MDH2: variants seen among roughly 807,000 people sequenced by gnomAD.
MDH2 encodes the protein malate dehydrogenase, mitochondrial.
In MDH2, 25 loss-of-function variants were observed where a neutral mutation model predicts 33.6. That is an observed-to-expected ratio of 0.74 (90% CI 0.54 to 1.04). The LOEUF (loss-of-function observed/expected upper bound fraction) is 1.04. Among genes scored for constraint, MDH2 ranks in the 50% least tolerant of loss-of-function variants. The pLI, the probability that MDH2 is intolerant of heterozygous loss-of-function variation, is 0.00. For synonymous variants in MDH2, 193 were observed against 188.7 expected (o/e 1.02, Z -0.19); for missense variants, 432 against 445.0 (o/e 0.97, Z 0.26).
In MDH2 at chr7:76,048,766, C is replaced by A. The variant is rs938376756; in HGVS notation, c.66+540C>A. The stretch of plus-strand genomic sequence containing the variant: ...TGACCTGAAGACGGCTTCCTCTTAA[C>A]CTTTTTGGAGGATCTCTCCTGCTGT... On this transcript the variant is annotated intron_variant, in intron 1 of 8. Transcript: ENST00000315758. 13 of 1,228,438 alleles carry A rather than the reference C, an allele frequency of 1.1e-5. No individual in the cohort carries two copies. The African/African-American group carries it at 1.6e-4, about 15-fold the overall frequency. The allele number at this position is 1,228,438 out of a possible 1,614,324, so 76.1% of individuals were successfully genotyped here.
At chr7:76,061,373 C>T (rs782139571) in intron 5 of MDH2, among the ~76,000 whole-genome samples, 2 of 152,124 alleles carry the variant, frequency 1.3e-5, no homozygotes, top group Non-Finnish European at 2.9e-5. Context: ...AGCACGTACC[C>T]GAGGGCCTGG....
chr7:76,057,255 G>A (rs782102299), intron 2 of MDH2, among the ~76,000 whole-genome samples, 155 bp from the exon 3 acceptor site: 6 of 152,164 alleles, frequency 3.9e-5, no homozygotes, highest in South Asian at 2.1e-4. Flanking sequence ...TTGTCAGCTC[G>A]CAGGGCAGTA....
At position 76,066,543 on chromosome 7, in the gene MDH2, T is replaced by C; in HGVS notation, c.*133T>C. 2.6e-6 allele frequency: 3 copies of C among 1,162,896 alleles called. No individual in the cohort carries two copies. Among genetic ancestry groups the C allele is most frequent in the Non-Finnish European group, 3.4e-6 (3 of 877,404 alleles). The allele number at this position is 1,162,896 out of a possible 1,614,324, so 72.0% of individuals were successfully genotyped here. A position where few individuals can be genotyped will look rare whatever the true frequency, so the allele number is the denominator to read the frequency against. ...TATTGACATCATCATGCCTTCCAAA[T>C]TGTGGGTGGCTCTGTGGGCGCATCA... On this transcript the variant is annotated 3_prime_UTR_variant, in exon 9 of 9. Transcript: ENST00000315758.
At chr7:76,063,765 C>G (rs1003749992) in intron 6 of MDH2, among the ~76,000 whole-genome samples, 173 bp downstream of exon 6, 2 of 152,182 alleles carry the variant, frequency 1.3e-5, no homozygotes, top group Non-Finnish European at 2.9e-5. Context: ...AGTCCTGGAG[C>G]GAATGTGGGT....
intron 6 of MDH2, among the ~76,000 whole-genome samples, chr7:76,064,102 T>A (rs1798028119): frequency 1.3e-5 from 2 of 151,918 alleles, no homozygotes; most frequent in South Asian, 4.2e-4. Flanking sequence ...TTTTTTTTTA[T>A]CTTTTTATTA....
intron 1 of MDH2, among the ~76,000 whole-genome samples, chr7:76,049,630 G>A (rs1554585030): frequency 6.6e-6 from 1 of 152,094 alleles, no homozygotes; most frequent in Admixed American, 6.6e-5. Context: ...TTGAGTTTTG[G>A]TAGGACCTTC....
chr7:76,057,963 T>G lies in MDH2; in HGVS notation c.320-6T>G. On this transcript the variant is annotated splice_region_variant and splice_polypyrimidine_tract_variant and intron_variant, in intron 3 of 8. Transcript: ENST00000315758. The stretch of plus-strand genomic sequence containing the variant: ...CTGTTAACATCTCATATTGGATCAT[T>G]TCCAGGCATGACCCGGGACGACCTG... 6.2e-7 allele frequency: 1 copy of G among 1,613,448 alleles called. No homozygotes were observed. The highest frequency in any genetic ancestry group is 8.5e-7 in the Non-Finnish European group (1 of 1,179,502).
At chr7:76,064,251 G>A in intron 6 of MDH2, 88 bp from the exon 7 acceptor site, 2 of 866,800 alleles carry the variant, frequency 2.3e-6, no homozygotes, top group Non-Finnish European at 3.6e-6. Flanking sequence ...GGAGGGAGAG[G>A]AGAGGTCGGG....
At chr7:76,065,093 C>T (rs563092303) in intron 8 of MDH2, 140 bp downstream of exon 8, 16 of 978,394 alleles carry the variant, frequency 1.6e-5, no homozygotes, top group South Asian at 9.9e-5. Context: ...CAAGGGTGGA[C>T]GCACACCCGA....
intron 1 of MDH2, among the ~76,000 whole-genome samples, chr7:76,052,717 T>A (rs1202031639): frequency 6.6e-6 from 1 of 151,536 alleles, no homozygotes; most frequent in African/African-American, 2.4e-5. Context: ...GCTAATTTTT[T>A]TTATTATTAG....
In MDH2 at chr7:76,066,632, G is replaced by A. The variant is rs1298672484; in HGVS notation, c.*222G>A. 2.7e-5 allele frequency: 12 copies of A among 442,542 alleles called. No individual in the cohort carries two copies. Among genetic ancestry groups the A allele is most frequent in the African/African-American group, 1.2e-4 (6 of 49,386 alleles). 27.4% of individuals were successfully genotyped at this position (442,542 alleles called of 1,614,324 possible). On this transcript the variant is annotated 3_prime_UTR_variant, in exon 9 of 9. Transcript: ENST00000315758. The stretch of plus-strand genomic sequence containing the variant: ...CTGTAAATGCTGTGCTTTCTTCCCT[G>A]TGAGAGCCAACTTTAGAGTGTCTGC...
intron 5 of MDH2, among the ~76,000 whole-genome samples, chr7:76,062,555 G>C (rs1366770997): frequency 6.6e-6 from 1 of 152,216 alleles, no homozygotes; most frequent in Non-Finnish European, 1.5e-5. Context: ...AGTGGCCATG[G>C]CCATCGGGGC....
intron 1 of MDH2, chr7:76,048,526 G>A: frequency 2.3e-6 from 3 of 1,325,248 alleles, no homozygotes; most frequent in South Asian, 2.1e-5. Flanking sequence ...CTTCAAGGTT[G>A]GGAAACCAGG....
intron 8 of MDH2, among the ~76,000 whole-genome samples, chr7:76,065,337 G>C (rs374229583): frequency 6.6e-6 from 1 of 152,146 alleles, no homozygotes; most frequent in South Asian, 2.1e-4. Context: ...TCCTCTTCGA[G>C]AGTGTGCCCC....
rs1797715228 is a variant in MDH2 at position 76,054,580 on chromosome 7, T to C, written c.67-250T>C. On this transcript the variant is annotated intron_variant, in intron 1 of 8. Coordinates refer to ENST00000315758, the MANE Select transcript of MDH2 (RefSeq NM_005918.4). Reference sequence around the variant, plus strand: ...CTGATGGAGTCCAGCTTGTTCTTCATCTTTCAGGAGGGTTTTGAAGTACCC... The same window carrying C: ...CTGATGGAGTCCAGCTTGTTCTTCACCTTTCAGGAGGGTTTTGAAGTACCC... The C allele has an allele frequency of 5.4e-5, 26 of 478,290 alleles. No individual in the cohort carries two copies. In the South Asian group the frequency reaches 6.3e-4, roughly 12 times the overall value. The allele number at this position is 478,290 out of a possible 1,614,324, so 29.6% of individuals were successfully genotyped here.
chr7:76,052,977 G>C (rs1797668772), intron 1 of MDH2, among the ~76,000 whole-genome samples: 1 of 152,184 alleles, frequency 6.6e-6, no homozygotes, highest in African/African-American at 2.4e-5. Flanking sequence ...GAGTAGCTGG[G>C]ACTACAGGTG....
chr7:76,062,934 TGGG>T (rs35052186), intron 5 of MDH2, among the ~76,000 whole-genome samples: 10 of 152,296 alleles, frequency 6.6e-5, no homozygotes, highest in African/African-American at 2.2e-4. Context: ...CACAGATTCT[TGGG>T]GGTGTGGTAC....
At chr7:76,051,526 G>A (rs1797626405) in intron 1 of MDH2, among the ~76,000 whole-genome samples, 1 of 151,878 alleles carries the variant, frequency 6.6e-6, no homozygotes. Flanking sequence ...TCTCCATGTT[G>A]GTCAGGCTGG....
chr7:76,051,187 G>T (rs184249296), intron 1 of MDH2, among the ~76,000 whole-genome samples: 150 of 151,798 alleles, frequency 9.9e-4, no homozygotes, highest in African/African-American at 3.3e-3. Context: ...ACCCGGCCAG[G>T]ATCTCAGTTT....
Sources: gnomAD v4.1 joint callset for allele counts (sites outside exome capture counted in the v4.1 genomes callset) on GRCh38, gnomAD v4.1.1 for gene constraint, MANE v1.5 for transcripts, NCBI Gene and HGNC (gene_info 2026-07-23, HGNC 2026-07-21) for gene names.